The following SYNE2 variants were observed in gnomAD, a reference collection of about 807,000 sequenced individuals.
The protein encoded by SYNE2 is nesprin-2.
In SYNE2, 431 loss-of-function variants were observed where a neutral mutation model predicts 856.3. That is an observed-to-expected ratio of 0.50 (90% confidence interval 0.47 to 0.55). The LOEUF is 0.55. Among genes scored for constraint, SYNE2 ranks in the 20% least tolerant of loss-of-function variants. The pLI, the probability that SYNE2 is intolerant of heterozygous loss-of-function variation, is 0.00. For synonymous variants in SYNE2, 2,923 were observed against 2,872.3 expected, an observed-to-expected ratio of 1.02 and a Z score of -0.56; for missense variants, 8,129 against 8,023.2, an observed-to-expected ratio of 1.01 and a Z score of -0.50.
chr14:64,103,186 A>T (rs1308867494), intron 64 of SYNE2, among the ~76,000 whole-genome samples: 1 of 152,186 alleles, frequency 6.6e-6, no homozygotes, highest in Non-Finnish European at 1.5e-5. Flanking sequence ...GTACTTAATA[A>T]CAGGAGAGTA....
Position 64,163,551 on chromosome 14 carries a change from G to C in SYNE2, c.16449G>C (p.Lys5483Asn), listed in dbSNP as rs1324537542. ...TCCAGAGGGCTGCTTATTTGGAAAA[G>C]ATGCTGCTTGTGAAAGCAAATGAAT... ...HSLQRAAYLEKMLLVKANEFE... is the reference protein window; with the variant it reads ...HSLQRAAYLENMLLVKANEFE... The change falls in exon 89 of 116, where the codon AAG becomes AAC. Residue 5483 changes from lysine (K) to asparagine (N), a missense_variant. Lys to Asn is a moderately conservative substitution (Grantham distance 94). Coordinates refer to ENST00000555002, the MANE Select transcript of SYNE2 (RefSeq NM_182914.3). 13 of 1,614,154 alleles carry C rather than the reference G, an allele frequency of 8.1e-6. No individual in the cohort carries two copies. Among genetic ancestry groups the C allele is most frequent in the Non-Finnish European group, 1.1e-5 (13 of 1,180,018 alleles).
rs1482052434 is a variant in SYNE2, at chr14:63,948,780, GTGTATATATATATATATATATATA to G, written c.409-1043_409-1020del. The stretch of plus-strand genomic sequence containing the variant: ...TATATGTATATATATGTATGTGTGT[GTGTATATATATATATATATATATA>G]TATATATATATATATATATGTAGCT... On this transcript the variant is annotated intron_variant, in intron 6 of 115. Coordinates refer to ENST00000555002, the MANE Select transcript of SYNE2 (RefSeq NM_182914.3). 2.8e-4 allele frequency among the ~76,000 whole-genome samples: 23 copies of G among 81,992 alleles called. No homozygotes were observed. The East Asian group carries it at 3.5e-3, about 13-fold the overall frequency. The allele number at this position is 81,992 out of a possible 152,430, so 53.8% of individuals were successfully genotyped here.
intron 1 of SYNE2, among the ~76,000 whole-genome samples, chr14:63,798,658 T>C (rs1888014019): frequency 6.6e-6 from 1 of 152,144 alleles, no homozygotes; most frequent in African/African-American, 2.4e-5. Context: ...TCTCCCAAAG[T>C]GCTGAGATTA....
chr14:63,935,678 C>A lies in SYNE2; in HGVS notation c.80-4936C>A, dbSNP rs75994578. Among the ~76,000 whole-genome samples the A allele has an allele frequency of 5.7e-3, 865 of 152,154 alleles. 8 individuals carry two copies. Among genetic ancestry groups the A allele is most frequent in the African/African-American group, 0.019 (804 of 41,496 alleles). On this transcript the variant is annotated intron_variant, in intron 2 of 115. Coordinates refer to ENST00000555002, the MANE Select transcript of SYNE2 (RefSeq NM_182914.3). ...CTGTGAACTCATAAAGGTAGATTTG[C>A]TTCAATATAGTAAAATATAACAACC...
intron 81 of SYNE2, 92 bp from the exon 82 acceptor site, chr14:64,141,850 A>T: frequency 6.7e-7 from 1 of 1,488,656 alleles, no homozygotes; most frequent in Non-Finnish European, 9.2e-7. Flanking sequence ...ATATAGCAAG[A>T]CCTTTTATCA....
At position 63,993,974 on chromosome 14, in the gene SYNE2, G is replaced by A. The variant is rs371516053; in HGVS notation, c.2781+5G>A. 1.2e-4 allele frequency: 190 copies of A among 1,613,524 alleles called. No homozygotes were observed. The highest frequency in any genetic ancestry group is 1.6e-4 in the Non-Finnish European group (187 of 1,179,702). On this transcript the variant is annotated splice_donor_5th_base_variant and intron_variant, in intron 22 of 115. Coordinates refer to ENST00000555002, the MANE Select transcript of SYNE2 (RefSeq NM_182914.3). ...GATGTCTGTGCCAAATGGGAGGTAAGAACATGCATATGTTTCTGAACTTAC... is the reference window on the plus strand; with the variant it reads ...GATGTCTGTGCCAAATGGGAGGTAAAAACATGCATATGTTTCTGAACTTAC...
chr14:64,191,074 A>G, intron 99 of SYNE2: 1 of 702,098 alleles, frequency 1.4e-6, no homozygotes, highest in Non-Finnish European at 2.6e-6. Flanking sequence ...AATTTGGAAT[A>G]TACAGGAGAA....
chr14:64,163,512 C>G lies in SYNE2; in HGVS notation c.16410C>G (p.Gly5470=), dbSNP rs200393620. 4.0e-5 allele frequency: 65 copies of G among 1,614,140 alleles called. No homozygotes were observed. In the East Asian group the frequency reaches 6.5e-4, roughly 16 times the overall value. The stretch of plus-strand genomic sequence containing the variant: ...CCAGCACCCACATGCTCCTCCCGGG[C>G]CCCCTGCACTCTCTCCAGAGGGCTG... ...AESSTHMLLP[G]PLHSLQRAAY... is the part of the protein sequence containing the mutation. Residue 5470 remains glycine, a synonymous_variant, in exon 89 of 116, where the codon GGC becomes GGG. Coordinates refer to ENST00000555002, the MANE Select transcript of SYNE2 (RefSeq NM_182914.3).
At chr14:63,874,055 C>T (rs2094655093) in intron 1 of SYNE2, 2 of 152,116 alleles carry the variant, frequency 1.3e-5, no homozygotes, top group African/African-American at 4.8e-5. Flanking sequence ...AGTTAAAAAC[C>T]ATTTGTTAGC....
At chr14:64,147,559 A>G (rs957899185) in intron 84 of SYNE2, among the ~76,000 whole-genome samples, 29 of 152,176 alleles carry the variant, frequency 1.9e-4, no homozygotes, top group African/African-American at 6.3e-4. Flanking sequence ...GTCGAAATGG[A>G]TTAAGTTTAG....
intron 51 of SYNE2, among the ~76,000 whole-genome samples, chr14:64,069,701 G>A (rs984321572): frequency 1.3e-5 from 2 of 152,178 alleles, no homozygotes; most frequent in African/African-American, 4.8e-5. Context: ...CTTTATCTTA[G>A]AGGAGAAGTC....
intron 38 of SYNE2, chr14:64,024,056 G>T: frequency 3.7e-6 from 2 of 534,078 alleles, no homozygotes; most frequent in Non-Finnish European, 6.8e-6. Flanking sequence ...GTGTTACTTT[G>T]CTTGATGTAA....
chr14:63,982,363 A>G (rs1262721951), intron 16 of SYNE2, among the ~76,000 whole-genome samples: 1 of 152,126 alleles, frequency 6.6e-6, no homozygotes, highest in Non-Finnish European at 1.5e-5. Context: ...AGCACTTAAG[A>G]GGGAAGAGCT....
intron 30 of SYNE2, among the ~76,000 whole-genome samples, chr14:64,004,796 T>C (rs552776127): frequency 8.4e-4 from 128 of 152,274 alleles, no homozygotes; most frequent in African/African-American, 2.9e-3. Context: ...AATGATACTT[T>C]CATTCTTAGG....
chr14:64,167,566 A>C lies in SYNE2; in HGVS notation c.16832A>C (p.Lys5611Thr). 1.9e-6 allele frequency: 3 copies of C among 1,614,238 alleles called. No homozygotes were observed. Among genetic ancestry groups the C allele is most frequent in the Non-Finnish European group, 2.5e-6 (3 of 1,180,038 alleles). The change falls in exon 92 of 116, where the codon AAG (lysine) becomes ACG (threonine). Residue 5611 changes from lysine (K) to threonine (T), a missense_variant. Lys to Thr is a moderately conservative substitution (Grantham distance 78, BLOSUM62 -1). Coordinates refer to ENST00000555002, the MANE Select transcript of SYNE2 (RefSeq NM_182914.3). ...CCEKWIQLLE[K>T]IEEALKVDVA... Reference sequence around the variant, plus strand: ...GAAAAGTGGATCCAACTTTTGGAGAAGATAGAAGAAGCACTCAAAGTGGAT... The same window carrying C: ...GAAAAGTGGATCCAACTTTTGGAGACGATAGAAGAAGCACTCAAAGTGGAT...
intron 49 of SYNE2, among the ~76,000 whole-genome samples, chr14:64,060,356 G>A (rs1277025638): frequency 6.6e-6 from 1 of 151,752 alleles, no homozygotes; most frequent in African/African-American, 2.4e-5. Flanking sequence ...TCTTTAGTCA[G>A]CAGGCAATGA....
At chr14:64,211,084 G>A (rs569725892) in intron 103 of SYNE2, among the ~76,000 whole-genome samples, 1 of 152,136 alleles carries the variant, frequency 6.6e-6, no homozygotes, top group South Asian at 2.1e-4. Context: ...TAGGCTCAAG[G>A]GATCCTCCTG....
At position 63,980,750 on chromosome 14, in the gene SYNE2, C is replaced by A; in HGVS notation, c.1648+18C>A. 6.7e-7 allele frequency: 1 copy of A among 1,491,744 alleles called. No homozygotes were observed. Among genetic ancestry groups the A allele is most frequent in the Non-Finnish European group, 9.3e-7 (1 of 1,069,886 alleles). 92.4% of individuals were successfully genotyped at this position (1,491,744 alleles called of 1,614,324 possible). A position where few individuals can be genotyped will look rare whatever the true frequency, so the allele number is the denominator to read the frequency against. ...GAATTTGGGTAAAGTGGTTCAGTTA[C>A]TTTCTGATGGAATGACTGTCACTTA... is the stretch of plus-strand genomic sequence containing the variant. On this transcript the variant is annotated intron_variant, in intron 15 of 115. Transcript: ENST00000555002.
chr14:63,913,321 G>C (rs1477149166), intron 2 of SYNE2, among the ~76,000 whole-genome samples: 2 of 152,084 alleles, frequency 1.3e-5, no homozygotes, highest in Non-Finnish European at 2.9e-5. Flanking sequence ...GTTAGGAAGA[G>C]AAAGGAATGG....
Sources: gnomAD v4.1 joint callset for allele counts (sites outside exome capture counted in the v4.1 genomes callset) on GRCh38, gnomAD v4.1.1 for gene constraint, MANE v1.5 for transcripts, NCBI Gene and HGNC (gene_info 2026-07-23, HGNC 2026-07-21) for gene names.